The following LEUTX variants were observed in gnomAD, a reference collection of about 807,000 sequenced individuals.
LEUTX encodes leucine twenty homeobox, also known as paired-like homeodomain transcription factor LEUTX.
Under a neutral mutation model 4.5 loss-of-function variants are expected in LEUTX, and 5 were observed. The ratio of observed to expected loss-of-function variants is 1.11; its 90% CI spans 0.58 to 2.34. LEUTX has a LOEUF of 2.34. Ranked by LOEUF, LEUTX falls within the 30% of genes most tolerant of loss-of-function variation. LEUTX has a pLI of 0.01. For missense variants in LEUTX, 233 were observed against 239.4 expected (o/e 0.97, Z 0.18); for synonymous variants, 89 against 85.1 (o/e 1.05, Z -0.25).
At chr19:39,779,850 C>T (rs925230954) in intron 1 of LEUTX, among the ~76,000 whole-genome samples, 2 of 152,038 alleles carry the variant, frequency 1.3e-5, no homozygotes, top group Admixed American at 6.6e-5. Context: ...CCTGTCACTA[C>T]TAAAAATACA....
At chr19:39,777,932 G>T (rs758130765), upstream of LEUTX, among the ~76,000 whole-genome samples, 2 of 152,184 alleles carry the variant, frequency 1.3e-5, no homozygotes, top group Non-Finnish European at 2.9e-5. Context: ...CCTGGTGGGG[G>T]TGTGGAGGTT....
intron 2 of LEUTX, 98 bp from the exon 3 acceptor site, chr19:39,785,600 A>C: frequency 1.2e-6 from 1 of 839,980 alleles, no homozygotes; most frequent in Non-Finnish European, 1.9e-6. Flanking sequence ...TAAATGTGAG[A>C]CTCTCTCTCA....
intron 1 of LEUTX, among the ~76,000 whole-genome samples, chr19:39,779,737 G>C (rs1356209939): frequency 6.6e-6 from 1 of 152,094 alleles, no homozygotes; most frequent in African/African-American, 2.4e-5. Context: ...TTACTGGCTG[G>C]GCATGGTGGC....
Position 39,786,212 on chromosome 19 carries a change from A to G in LEUTX, c.*77A>G, listed in dbSNP as rs1000704423. ...ATTTCCACACATCTTTAATGGTTTG[A>G]CCCCAGTCTAAGTAGATCAGGGGCT... is the stretch of plus-strand genomic sequence containing the variant. On this transcript the variant is annotated 3_prime_UTR_variant, in exon 3 of 3. Coordinates refer to ENST00000638280, the MANE Select transcript of LEUTX (RefSeq NM_001382345.1). The G allele has an allele frequency of 9.5e-6, 11 of 1,161,624 alleles. No individual in the cohort carries two copies. The highest frequency in any genetic ancestry group is 1.2e-5 in the Non-Finnish European group (10 of 840,390). 72.0% of individuals were successfully genotyped at this position (1,161,624 alleles called of 1,614,324 possible).
upstream of LEUTX, among the ~76,000 whole-genome samples, chr19:39,778,184 G>A (rs1257512998): frequency 1.3e-5 from 2 of 152,190 alleles, no homozygotes; most frequent in South Asian, 2.1e-4. Flanking sequence ...ATGAGTAACA[G>A]AGGGACAGAG....
intron 1 of LEUTX, among the ~76,000 whole-genome samples, chr19:39,780,644 G>A (rs1339331828): frequency 1.3e-5 from 2 of 151,522 alleles, no homozygotes; most frequent in Non-Finnish European, 2.9e-5. Context: ...CACTCTTTTT[G>A]TCCACTTTTG....
At position 39,779,181 on chromosome 19, in the gene LEUTX, G is replaced by A. The variant is rs143141061; in HGVS notation, c.7+254G>A. Among the ~76,000 whole-genome samples, 257 of 152,218 alleles carry A rather than the reference G, an allele frequency of 1.7e-3. 1 individual carries two copies. The highest frequency in any genetic ancestry group is 3.9e-3 in the African/African-American group (163 of 41,530). On this transcript the variant is annotated intron_variant, in intron 1 of 2. Coordinates refer to ENST00000638280, the MANE Select transcript of LEUTX (RefSeq NM_001382345.1). ...TGCCCAGGCTGGCCTCGAGCTCCTA[G>A]GCCCTAGTGATCCTCCCACCTCACC...
intron 1 of LEUTX, among the ~76,000 whole-genome samples, chr19:39,781,404 TA>T (rs1476523913): frequency 6.6e-6 from 1 of 152,216 alleles, no homozygotes; most frequent in East Asian, 1.9e-4. Flanking sequence ...TAAACCATAG[TA>T]AAAACTCCCA....
chr19:39,782,482 G>T (rs577754483), intron 1 of LEUTX, among the ~76,000 whole-genome samples: 1 of 152,238 alleles, frequency 6.6e-6, no homozygotes, highest in Non-Finnish European at 1.5e-5. Context: ...GGCCTCCCCA[G>T]CCATGTGGAA....
intron 2 of LEUTX, 96 bp from the exon 3 acceptor site, chr19:39,785,600 ACT>A (rs1281436732): frequency 2.9e-5 from 24 of 839,980 alleles, no homozygotes; most frequent in African/African-American, 2.1e-4. Flanking sequence ...TAAATGTGAG[ACT>A]CTCTCTCACA....
In LEUTX at chr19:39,785,770, G is replaced by C; in HGVS notation, c.232G>C (p.Gly78Arg). The change falls in exon 3 of 3, where the codon GGG becomes CGG. Residue 78 changes from glycine to arginine, a missense_variant. Physicochemically the swap from Gly to Arg is moderately radical, Grantham distance 125. Coordinates refer to ENST00000638280, the MANE Select transcript of LEUTX (RefSeq NM_001382345.1). ...GCAAATGCAGACACGGCCATCACTA[G>C]GGCCAGCAAACCAGACAACTTCAGT... Reference protein sequence around the residue: ...RQQMQTRPSLGPANQTTSVKK... With the variant: ...RQQMQTRPSLRPANQTTSVKK... The C allele has an allele frequency of 1.9e-6, 3 of 1,551,720 alleles. No homozygotes were observed. The highest frequency in any genetic ancestry group is 1.7e-6 in the Non-Finnish European group (2 of 1,146,986).
intron 2 of LEUTX, among the ~76,000 whole-genome samples, chr19:39,784,939 T>A (rs1967942384): frequency 6.6e-6 from 1 of 152,232 alleles, no homozygotes; most frequent in African/African-American, 2.4e-5. Context: ...CCCACCATGC[T>A]ACACAGGACT....
chr19:39,784,668 C>G lies in LEUTX; in HGVS notation c.149C>G (p.Ser50Cys). The part of the protein sequence containing the change: ...KLASKLQLDL[S>C]VVKIWFKNQR... ...GCTTCAAAGCTACAACTTGATCTAT[C>G]CGTAGTAAAGGTCTGTTCCCAAGTG... The change falls in exon 2 of 3, where the codon TCC (serine) becomes TGC (cysteine). Residue 50 changes from serine (S) to cysteine (C), a missense_variant. Ser to Cys is a moderately radical substitution (Grantham distance 112). Transcript: ENST00000638280. The G allele has an allele frequency of 6.4e-7, 1 of 1,551,500 alleles. No individual in the cohort carries two copies. The highest frequency in any genetic ancestry group is 8.7e-7 in the Non-Finnish European group (1 of 1,146,840).
At chr19:39,783,511 A>G (rs1427435763) in intron 1 of LEUTX, among the ~76,000 whole-genome samples, 1 of 151,776 alleles carries the variant, frequency 6.6e-6, no homozygotes, top group Non-Finnish European at 1.5e-5. Context: ...TCCTCTGGGT[A>G]GATAGCCAGT....
chr19:39,781,314 C>A (rs1333547105), intron 1 of LEUTX, among the ~76,000 whole-genome samples: 1 of 152,088 alleles, frequency 6.6e-6, no homozygotes, highest in Non-Finnish European at 1.5e-5. Context: ...ATAAGAGCAT[C>A]CTGAAAATAG....
At chr19:39,778,663 CTTT>C (rs34540141), upstream of LEUTX, among the ~76,000 whole-genome samples, 12 of 119,648 alleles carry the variant, frequency 1.0e-4, no homozygotes, top group South Asian at 2.7e-4. Flanking sequence ...AAGGATCAGT[CTTT>C]TTTTTTTTTT....
intron 1 of LEUTX, among the ~76,000 whole-genome samples, chr19:39,783,963 A>G (rs1353468221): frequency 1.3e-5 from 2 of 152,128 alleles, no homozygotes; most frequent in South Asian, 2.1e-4. Flanking sequence ...TCCTTTTGCC[A>G]TGCAAAATCT....
chr19:39,781,731 C>G (rs759171979), intron 1 of LEUTX, among the ~76,000 whole-genome samples: 1 of 152,198 alleles, frequency 6.6e-6, no homozygotes, highest in South Asian at 2.1e-4. Context: ...CAGATGCCAG[C>G]ACTATGCTTT....
intron 1 of LEUTX, among the ~76,000 whole-genome samples, chr19:39,782,703 T>C (rs1187054244): frequency 2.6e-5 from 4 of 152,134 alleles, no homozygotes; most frequent in Non-Finnish European, 4.4e-5. Context: ...AAACATGTCC[T>C]GCTCAGTGGA....
Sources: allele counts gnomAD v4.1 joint callset (sites outside exome capture counted in the v4.1 genomes callset), GRCh38; gene constraint gnomAD v4.1.1; transcripts MANE v1.5; gene names NCBI Gene and HGNC (gene_info 2026-07-23, HGNC 2026-07-21).